Variants in FANCL observed in about 807,000 individuals in gnomAD.
The protein encoded by FANCL is FA complementation group L.
In FANCL, 69 loss-of-function variants were observed where a neutral mutation model predicts 59.4. The observed-to-expected ratio is 1.16, with a 90% confidence interval of 0.96 to 1.42. The LOEUF (loss-of-function observed/expected upper bound fraction) is 1.42. FANCL is among the 40% of genes most tolerant of loss of function. FANCL has a pLI of 0.00. For missense variants in FANCL, 519 were observed against 447.2 expected (o/e 1.16, Z -1.45); for synonymous variants, 180 against 147.1 (o/e 1.22, Z -1.62).
chr2:58,222,849 T>C (rs1692618411), intron 4 of FANCL, among the ~76,000 whole-genome samples: 1 of 150,892 alleles, frequency 6.6e-6, no homozygotes, highest in East Asian at 1.9e-4. Context: ...AAAAAGTAAA[T>C]AATTAATTAA....
At chr2:58,175,888 T>G (rs1000516252) in intron 7 of FANCL, among the ~76,000 whole-genome samples, 1 of 151,810 alleles carries the variant, frequency 6.6e-6, no homozygotes, top group Non-Finnish European at 1.5e-5. Context: ...AAAACCCCAT[T>G]GTCTCAGCCC....
intron 7 of FANCL, among the ~76,000 whole-genome samples, chr2:58,169,393 T>A (rs1377625841): frequency 6.6e-6 from 1 of 152,020 alleles, no homozygotes; most frequent in Non-Finnish European, 1.5e-5. Context: ...CAAAACCCCA[T>A]ATGAAAGTCA....
rs1693643812 is a variant in FANCL at position 58,232,118 on chromosome 2, G to A, written c.97-6C>T. ...CTAAGGTGGAAGTCTCTTCCCTGTGGAAAATATTGAAAAGGATCACTCAAA... is the reference window on the plus strand; with the variant it reads ...CTAAGGTGGAAGTCTCTTCCCTGTGAAAAATATTGAAAAGGATCACTCAAA... On this transcript the variant is annotated splice_polypyrimidine_tract_variant and splice_region_variant and intron_variant, in intron 1 of 13. Coordinates refer to ENST00000233741, the MANE Select transcript of FANCL (RefSeq NM_018062.4). 3 of 1,611,104 alleles carry A rather than the reference G, an allele frequency of 1.9e-6. No individual in the cohort carries two copies. Among genetic ancestry groups the A allele is most frequent in the Non-Finnish European group, 2.5e-6 (3 of 1,177,678 alleles).
At chr2:58,178,578 A>G (rs1687603689) in intron 7 of FANCL, among the ~76,000 whole-genome samples, 1 of 152,198 alleles carries the variant, frequency 6.6e-6, no homozygotes. Flanking sequence ...GATGGAACAT[A>G]TCTCAAAACA....
At chr2:58,191,831 A>G (rs1688950514) in intron 7 of FANCL, among the ~76,000 whole-genome samples, 1 of 151,956 alleles carries the variant, frequency 6.6e-6, no homozygotes. Context: ...CACTTTGTAC[A>G]TTTGTACAGC....
Position 58,159,696 on chromosome 2 carries a change from A to ATGAT in FANCL, c.*65_*68dup. On this transcript the variant is annotated 3_prime_UTR_variant, in exon 14 of 14. Transcript: ENST00000233741. ...TTCTTGCTTTATTTTTTCTCTGAAG[A>ATGAT]TGATACCAAAATTCCTTTTGATAAT... The ATGAT allele has an allele frequency of 6.2e-7, 1 of 1,612,448 alleles. No homozygotes were observed. Among genetic ancestry groups the ATGAT allele is most frequent in the Non-Finnish European group, 8.5e-7 (1 of 1,179,390 alleles).
rs371409919 is a variant in FANCL at position 58,159,542 on chromosome 2, C to G, written c.*223G>C. 2.5e-6 allele frequency: 4 copies of G among 1,613,748 alleles called. No homozygotes were observed. In the South Asian group the frequency reaches 4.4e-5, roughly 18 times the overall value. On this transcript the variant is annotated 3_prime_UTR_variant, in exon 14 of 14. Coordinates refer to ENST00000233741, the MANE Select transcript of FANCL (RefSeq NM_018062.4). ...TATAAATACACTTCCACAGTCAGCA[C>G]GGGGATCACAGACTTAGAAAGTTCA...
chr2:58,220,439 A>C (rs1056651269), intron 5 of FANCL, among the ~76,000 whole-genome samples: 7 of 152,230 alleles, frequency 4.6e-5, no homozygotes, highest in Admixed American at 1.3e-4. Context: ...GTTCTAAATA[A>C]AAGCCTTTTA....
chr2:58,177,686 A>G (rs1231554848), intron 7 of FANCL, among the ~76,000 whole-genome samples: 2 of 151,376 alleles, frequency 1.3e-5, no homozygotes, highest in Non-Finnish European at 2.9e-5. Context: ...ATGCTAAATG[A>G]CGAGTTAACG....
chr2:58,188,490 T>A (rs962036073), intron 7 of FANCL, among the ~76,000 whole-genome samples: 8 of 151,974 alleles, frequency 5.3e-5, no homozygotes, highest in African/African-American at 1.9e-4. Context: ...CAGGCTGAAG[T>A]GCAGTGGCAT....
intron 3 of FANCL, among the ~76,000 whole-genome samples, chr2:58,228,976 GA>G (rs1427911529): frequency 3.9e-5 from 6 of 152,116 alleles, no homozygotes; most frequent in Non-Finnish European, 8.8e-5. Flanking sequence ...GGGATGGAAA[GA>G]AAACAGAAAT....
intron 1 of FANCL, among the ~76,000 whole-genome samples, chr2:58,238,471 A>G (rs1694225476): frequency 1.3e-5 from 2 of 152,196 alleles, no homozygotes; most frequent in South Asian, 4.1e-4. Flanking sequence ...TACAGATCCT[A>G]AAGACATTAA....
chr2:58,214,728 T>C (rs1379042625), intron 5 of FANCL, among the ~76,000 whole-genome samples: 2 of 151,928 alleles, frequency 1.3e-5, no homozygotes, highest in African/African-American at 4.8e-5. Flanking sequence ...CCCAGGTTGG[T>C]CTCAAACTCC....
intron 1 of FANCL, among the ~76,000 whole-genome samples, chr2:58,236,077 A>G (rs1229485294): frequency 6.6e-6 from 1 of 151,780 alleles, no homozygotes; most frequent in Non-Finnish European, 1.5e-5. Flanking sequence ...AGAAAGAAAA[A>G]ATAATGGCAG....
At chr2:58,170,803 C>G (rs1686522192) in intron 7 of FANCL, among the ~76,000 whole-genome samples, 1 of 151,908 alleles carries the variant, frequency 6.6e-6, no homozygotes. Flanking sequence ...GTAAACGGAT[C>G]AATGCAACAA....
intron 5 of FANCL, among the ~76,000 whole-genome samples, chr2:58,221,522 A>G (rs191625343): frequency 6.6e-6 from 1 of 152,300 alleles, no homozygotes; most frequent in East Asian, 1.9e-4. Flanking sequence ...TTACAAAAGC[A>G]CTTATAATGT....
intron 7 of FANCL, among the ~76,000 whole-genome samples, chr2:58,173,522 T>C (rs1426905164): frequency 2.0e-5 from 3 of 152,174 alleles, no homozygotes; most frequent in African/African-American, 7.2e-5. Context: ...CAGAATTTCA[T>C]ATCCAGCCAA....
At chr2:58,208,243 T>A (rs1690787087) in intron 5 of FANCL, among the ~76,000 whole-genome samples, 1 of 152,140 alleles carries the variant, frequency 6.6e-6, no homozygotes, top group South Asian at 2.1e-4. Context: ...GAATTAAGAT[T>A]TGTATTTAGA....
intron 7 of FANCL, among the ~76,000 whole-genome samples, chr2:58,192,590 G>A (rs1348044301): frequency 1.3e-5 from 2 of 151,862 alleles, no homozygotes; most frequent in African/African-American, 4.8e-5. Flanking sequence ...TCATAATAAT[G>A]TAAACACTGA....
Sources: allele counts gnomAD v4.1 joint callset (sites outside exome capture counted in the v4.1 genomes callset), GRCh38; gene constraint gnomAD v4.1.1; transcripts MANE v1.5; gene names NCBI Gene and HGNC (gene_info 2026-07-23, HGNC 2026-07-21).